Variants in DNMBP observed in about 807,000 individuals in gnomAD.
DNMBP encodes dynamin binding protein, also known as dynamin-binding protein.
In DNMBP, 87 loss-of-function variants were observed where a neutral mutation model predicts 150.0. That is an observed-to-expected ratio of 0.58 (90% CI 0.49 to 0.69). The LOEUF is 0.69. Ranked by LOEUF, DNMBP falls within the 30% of genes least tolerant of loss-of-function variation. The probability of loss-of-function intolerance (pLI) is 0.00; values close to 1 mark genes in which losing one functional copy is unlikely to be tolerated. For synonymous variants in DNMBP, 711 were observed against 750.4 expected (o/e 0.95, Z 0.86); for missense variants, 1,774 against 1,949.0 (o/e 0.91, Z 1.69).
At chr10:99,998,586 A>T (rs1267734099) in intron 1 of DNMBP, among the ~76,000 whole-genome samples, 1 of 151,826 alleles carries the variant, frequency 6.6e-6, no homozygotes, top group Non-Finnish European at 1.5e-5. Flanking sequence ...TCTCAAAAAA[A>T]AAAAAAAAAA....
intron 4 of DNMBP, 151 bp downstream of exon 4, chr10:99,955,063 A>G (rs2040468792): frequency 1.4e-6 from 1 of 738,584 alleles, no homozygotes; most frequent in African/African-American, 1.8e-5. Flanking sequence ...AAAAAAGGAA[A>G]AAAAAAAAAA....
At chr10:100,006,477 G>C (rs2041072252) in intron 1 of DNMBP, among the ~76,000 whole-genome samples, 1 of 152,146 alleles carries the variant, frequency 6.6e-6, no homozygotes, top group Non-Finnish European at 1.5e-5. Flanking sequence ...AGCTTGAAAA[G>C]GTCTCCCTGA....
intron 1 of DNMBP, among the ~76,000 whole-genome samples, chr10:99,978,866 C>T (rs1488211827): frequency 3.3e-5 from 5 of 152,198 alleles, no homozygotes; most frequent in Non-Finnish European, 5.9e-5. Flanking sequence ...TGAGCCACCA[C>T]GCCTGGCCAG....
chr10:99,990,828 T>C (rs201877279), intron 1 of DNMBP, among the ~76,000 whole-genome samples: 101 of 97,252 alleles, frequency 1.0e-3, no homozygotes, highest in Non-Finnish European at 1.7e-3. Flanking sequence ...TATATACACA[T>C]ATACATATAC....
intron 11 of DNMBP, among the ~76,000 whole-genome samples, chr10:99,892,761 ATAAAT>A (rs774753041): frequency 7.0e-4 from 106 of 152,048 alleles, no homozygotes; most frequent in Non-Finnish European, 1.1e-3. Flanking sequence ...CAATAAAAAA[ATAAAT>A]TAAAAAAAAA....
intron 15 of DNMBP, among the ~76,000 whole-genome samples, chr10:99,880,710 G>C (rs1036625309): frequency 1.3e-5 from 2 of 152,204 alleles, no homozygotes; most frequent in African/African-American, 2.4e-5. Flanking sequence ...GAACCGGCAT[G>C]GGAAGAGAAT....
chr10:100,006,776 A>C (rs1020650381), intron 1 of DNMBP, among the ~76,000 whole-genome samples: 2 of 151,582 alleles, frequency 1.3e-5, no homozygotes, highest in Non-Finnish European at 2.9e-5. Context: ...GAACATGCTC[A>C]TCCCACTGCC....
intron 4 of DNMBP, among the ~76,000 whole-genome samples, chr10:99,943,931 T>A (rs1469561228): frequency 6.6e-6 from 1 of 152,212 alleles, no homozygotes; most frequent in Non-Finnish European, 1.5e-5. Flanking sequence ...GGAAATATTA[T>A]TTTCCTGAAA....
Position 99,878,483 on chromosome 10 carries a change from G to C in DNMBP, c.4549-1147C>G, listed in dbSNP as rs12247195. On this transcript the variant is annotated intron_variant, in intron 16 of 16. Coordinates refer to ENST00000324109, the MANE Select transcript of DNMBP (RefSeq NM_015221.4). ...AATAACTGTCTGCTTGGTAGGCCCA[G>C]AATGGGGATGTTTGACCCGGGAAGT... is the stretch of plus-strand genomic sequence containing the variant. Among the ~76,000 whole-genome samples the C allele has an allele frequency of 3.2e-3, 494 of 152,320 alleles. 3 individuals are homozygous for C. The highest frequency in any genetic ancestry group is 0.011 in the African/African-American group (466 of 41,574).
In DNMBP at chr10:99,895,192, T is replaced by C. The variant is rs568273795; in HGVS notation, c.3052-142A>G. On this transcript the variant is annotated intron_variant, in intron 10 of 16. Transcript: ENST00000324109. ...TCCAGGTTGGAGTGCAATGGCATGA[T>C]CTTGGCTCACTGCAACCTCCGCCTC... is the stretch of plus-strand genomic sequence containing the variant. 5.1e-6 allele frequency: 3 copies of C among 588,268 alleles called. No individual in the cohort carries two copies. In the South Asian group the frequency reaches 6.2e-5, roughly 12 times the overall value. 36.4% of individuals were successfully genotyped at this position (588,268 alleles called of 1,614,324 possible). A position where few individuals can be genotyped will look rare whatever the true frequency, so the allele number is the denominator to read the frequency against.
At chr10:99,911,512 C>T (rs538317747) in intron 4 of DNMBP, among the ~76,000 whole-genome samples, 2 of 152,026 alleles carry the variant, frequency 1.3e-5, no homozygotes, top group Non-Finnish European at 2.9e-5. Context: ...ATACAAAATA[C>T]ACACTGAAGC....
chr10:99,891,831 T>C (rs1159741153), intron 11 of DNMBP, among the ~76,000 whole-genome samples: 2 of 143,726 alleles, frequency 1.4e-5, no homozygotes, highest in Non-Finnish European at 3.0e-5. Context: ...CGCCGCCCCA[T>C]CTGGGATGTG....
At chr10:99,981,745 C>G (rs1746854642) in intron 1 of DNMBP, among the ~76,000 whole-genome samples, 1 of 152,198 alleles carries the variant, frequency 6.6e-6, no homozygotes, top group Non-Finnish European at 1.5e-5. Context: ...TCCCCCATCT[C>G]TGGCTTTCAG....
At chr10:99,965,745 C>A (rs2040613703) in intron 3 of DNMBP, among the ~76,000 whole-genome samples, 3 of 152,170 alleles carry the variant, frequency 2.0e-5, no homozygotes, top group Non-Finnish European at 2.9e-5. Flanking sequence ...GATCCACCCG[C>A]CTAGGCCTCC....
intron 16 of DNMBP, among the ~76,000 whole-genome samples, chr10:99,878,245 CACAA>C (rs1267634894): frequency 4.6e-5 from 7 of 152,152 alleles, no homozygotes; most frequent in Admixed American, 4.6e-4. Flanking sequence ...CTTTAGATGC[CACAA>C]ACAAAGATCT....
At chr10:99,988,493 A>G (rs1243469467) in intron 1 of DNMBP, among the ~76,000 whole-genome samples, 2 of 152,152 alleles carry the variant, frequency 1.3e-5, no homozygotes, top group African/African-American at 4.8e-5. Context: ...GAGATTAGAT[A>G]AGTAAATATC....
intron 6 of DNMBP, among the ~76,000 whole-genome samples, chr10:99,901,727 C>A (rs914378643): frequency 2.0e-5 from 3 of 152,052 alleles, no homozygotes; most frequent in African/African-American, 7.2e-5. Context: ...AAAGAGCTCT[C>A]ATCCTTGTTC....
intron 1 of DNMBP, among the ~76,000 whole-genome samples, chr10:99,981,118 TA>T (rs1488795642): frequency 6.6e-6 from 1 of 151,774 alleles, no homozygotes; most frequent in African/African-American, 2.4e-5. Flanking sequence ...CTTACCACAA[TA>T]AAAAAAAATT....
intron 4 of DNMBP, among the ~76,000 whole-genome samples, chr10:99,920,594 C>T (rs1435233558): frequency 6.6e-6 from 1 of 152,150 alleles, no homozygotes; most frequent in Non-Finnish European, 1.5e-5. Context: ...TGACCTTGGA[C>T]ATGTTATACA....
Sources: allele counts gnomAD v4.1 joint callset (sites outside exome capture counted in the v4.1 genomes callset), GRCh38; gene constraint gnomAD v4.1.1; transcripts MANE v1.5; gene names NCBI Gene and HGNC (gene_info 2026-07-23, HGNC 2026-07-21).